FRAS1: variants seen among roughly 807,000 people sequenced by gnomAD.
The protein encoded by FRAS1 is Fraser extracellular matrix complex subunit 1, also known as extracellular matrix organizing protein FRAS1.
FRAS1 carries 290 observed loss-of-function variants against 435.2 expected under a neutral mutation model. That is an observed-to-expected ratio of 0.67 (90% CI 0.61 to 0.73). The LOEUF (loss-of-function observed/expected upper bound fraction) is 0.73. FRAS1 is among the 30% of genes least tolerant of loss of function. The probability of loss-of-function intolerance (pLI) is 0.00; values close to 1 mark genes in which losing one functional copy is unlikely to be tolerated. For missense variants in FRAS1, 4,860 were observed against 5,001.5 expected (o/e 0.97, Z 0.85); for synonymous variants, 1,800 against 1,851.0 (o/e 0.97, Z 0.71).
In FRAS1 at chr4:78,432,540, C is replaced by T. The variant is rs1734258901; in HGVS notation, c.5153C>T (p.Ser1718Phe). The change falls in exon 38 of 74, where the codon TCT (serine) becomes TTT (phenylalanine). Residue 1718 changes from serine to phenylalanine, a missense_variant. Coordinates refer to ENST00000512123, the MANE Select transcript of FRAS1 (RefSeq NM_025074.7). ...GGGCCTCGACTGGCTGCTGGCTCCT[C>T]TCTGAGCATTACTGTTGCCAGTAAA... ...DRGPRLAAGS[S>F]LSITVASKST... 6.2e-7 allele frequency: 1 copy of T among 1,612,900 alleles called. No homozygotes were observed. Among genetic ancestry groups the T allele is most frequent in the Non-Finnish European group, 8.5e-7 (1 of 1,179,474 alleles).
intron 6 of FRAS1, 110 bp downstream of exon 6, chr4:78,255,485 GC>G: frequency 8.6e-7 from 1 of 1,168,236 alleles, no homozygotes; most frequent in Non-Finnish European, 1.2e-6. Context: ...AAGAAGCAAA[GC>G]CCTTTTTGTT....
At chr4:78,142,058 C>A (rs1720211868) in intron 2 of FRAS1, among the ~76,000 whole-genome samples, 1 of 151,834 alleles carries the variant, frequency 6.6e-6, no homozygotes, top group Non-Finnish European at 1.5e-5. Context: ...GTTGGGTGCA[C>A]CAAAATCTCA....
chr4:78,420,728 A>G (rs1733746297), intron 33 of FRAS1, among the ~76,000 whole-genome samples: 1 of 151,878 alleles, frequency 6.6e-6, no homozygotes, highest in Non-Finnish European at 1.5e-5. Context: ...GGACCTTTGA[A>G]TTGAAACTCA....
intron 2 of FRAS1, among the ~76,000 whole-genome samples, chr4:78,158,375 T>G (rs1720982397): frequency 6.6e-6 from 1 of 152,212 alleles, no homozygotes; most frequent in African/African-American, 2.4e-5. Context: ...TTGTTTTAAC[T>G]AGTTTTCCTT....
chr4:78,194,957 A>T (rs1722733478), intron 2 of FRAS1, among the ~76,000 whole-genome samples: 1 of 151,970 alleles, frequency 6.6e-6, no homozygotes, highest in African/African-American at 2.4e-5. Context: ...TTTCGTGTGG[A>T]TGTCCTTTCT....
chr4:78,160,438 C>T (rs993368155), intron 2 of FRAS1, among the ~76,000 whole-genome samples: 4 of 152,100 alleles, frequency 2.6e-5, no homozygotes, highest in African/African-American at 9.7e-5. Flanking sequence ...ATAGTGGGAA[C>T]GTTTGGAAAC....
At chr4:78,214,790 C>T (rs928547213) in intron 2 of FRAS1, among the ~76,000 whole-genome samples, 1 of 152,194 alleles carries the variant, frequency 6.6e-6, no homozygotes, top group African/African-American at 2.4e-5. Flanking sequence ...TTTAATTTGT[C>T]TCCATGCACA....
chr4:78,120,048 G>A (rs1718922003), intron 2 of FRAS1, among the ~76,000 whole-genome samples: 1 of 152,120 alleles, frequency 6.6e-6, no homozygotes, highest in African/African-American at 2.4e-5. Context: ...GTCTTAATCA[G>A]ATCTATGGGG....
intron 15 of FRAS1, among the ~76,000 whole-genome samples, chr4:78,312,442 A>G (rs189198654): frequency 6.6e-6 from 1 of 152,072 alleles, no homozygotes; most frequent in Admixed American, 6.5e-5. Context: ...GTATGTCTCA[A>G]TATCTGATTG....
Position 78,286,368 on chromosome 4 carries a change from G to A in FRAS1, c.1400-37G>A, listed in dbSNP as rs776910813. On this transcript the variant is annotated intron_variant, in intron 13 of 73. Coordinates refer to ENST00000512123, the MANE Select transcript of FRAS1 (RefSeq NM_025074.7). The stretch of plus-strand genomic sequence containing the variant: ...GGTGGTGTCTTTCAGCTAATCAAAT[G>A]GTTCCTTTCTCTTTCTTCAACATTA... 3.1e-6 allele frequency: 5 copies of A among 1,611,692 alleles called. No individual in the cohort carries two copies. The Admixed American group carries it at 6.7e-5, about 21-fold the overall frequency.
At chr4:78,450,517 C>T in intron 45 of FRAS1, 178 bp downstream of exon 45, 2 of 592,690 alleles carry the variant, frequency 3.4e-6, no homozygotes, top group South Asian at 2.1e-5. Context: ...TAAAAAAGCC[C>T]TATCTTTCTT....
intron 2 of FRAS1, among the ~76,000 whole-genome samples, chr4:78,231,927 T>G (rs1724534163): frequency 6.6e-6 from 1 of 152,206 alleles, no homozygotes; most frequent in Non-Finnish European, 1.5e-5. Context: ...TGTCATAATC[T>G]AATCCTTTAA....
At chr4:78,470,869 T>A (rs1719683048) in intron 51 of FRAS1, among the ~76,000 whole-genome samples, 1 of 152,006 alleles carries the variant, frequency 6.6e-6, no homozygotes, top group Non-Finnish European at 1.5e-5. Context: ...ATTAAGCAAG[T>A]GATACAGAAA....
rs1721541518 is a variant in FRAS1, at chr4:78,526,591, A to G, written c.10859A>G (p.Gln3620Arg). The change falls in exon 70 of 74, where the codon CAG (glutamine) becomes CGG (arginine). Residue 3620 changes from glutamine (Q) to arginine (R), a missense_variant. Transcript: ENST00000512123. The part of the protein sequence containing the change: ...YTIYLIPCTV[Q>R]PTQPWVDPGE... ...ATCTACCTGATCCCTTGCACAGTGC[A>G]GCCCACACAGCCATGGGTTGACCCA... The G allele has an allele frequency of 6.2e-7, 1 of 1,602,784 alleles. No individual in the cohort carries two copies. Among genetic ancestry groups the G allele is most frequent in the Non-Finnish European group, 8.5e-7 (1 of 1,175,128 alleles).
chr4:78,123,675 C>T (rs1210526767), intron 2 of FRAS1, among the ~76,000 whole-genome samples: 2 of 152,130 alleles, frequency 1.3e-5, no homozygotes, highest in Non-Finnish European at 2.9e-5. Context: ...TGTAGTTCTC[C>T]TTGAAGAGGT....
At chr4:78,467,278 T>C (rs1291159032) in intron 50 of FRAS1, among the ~76,000 whole-genome samples, 1 of 152,082 alleles carries the variant, frequency 6.6e-6, no homozygotes, top group East Asian at 1.9e-4. Context: ...TCTCCATGGG[T>C]TCAGTTGTTT....
At chr4:78,461,824 G>A (rs1719375647) in intron 47 of FRAS1, among the ~76,000 whole-genome samples, 1 of 152,052 alleles carries the variant, frequency 6.6e-6, no homozygotes, top group South Asian at 2.1e-4. Flanking sequence ...TTATATATGG[G>A]GCATGCTAAA....
chr4:78,521,589 G>C lies in FRAS1; in HGVS notation c.10607G>C (p.Gly3536Ala), dbSNP rs1462304934. 2 of 1,610,488 alleles carry C rather than the reference G, an allele frequency of 1.2e-6. No homozygotes were observed. Among genetic ancestry groups the C allele is most frequent in the Non-Finnish European group, 1.7e-6 (2 of 1,178,338 alleles). The change falls in exon 68 of 74, where the codon GGC (glycine) becomes GCC (alanine). Residue 3536 changes from glycine (G) to alanine (A), a missense_variant. Physicochemically the swap from Gly to Ala is moderately conservative, Grantham distance 60. Transcript: ENST00000512123. ...QIIRIYIRED[G>A]RLVIEFKTHA... The stretch of plus-strand genomic sequence containing the variant: ...ATAAGAATCTACATTCGAGAGGATG[G>C]CCGTCTTGTCATTGAATTCAAGACC...
intron 1 of FRAS1, among the ~76,000 whole-genome samples, chr4:78,065,083 T>TATATATATATATATATACACAC (rs1383890164): frequency 1.4e-5 from 2 of 140,598 alleles, no homozygotes; most frequent in East Asian, 2.1e-4. Flanking sequence ...TATATATATA[T>TATATATATATATATATACACAC]ACATACACAC....
Sources: gnomAD v4.1 joint callset for allele counts (sites outside exome capture counted in the v4.1 genomes callset) on GRCh38, gnomAD v4.1.1 for gene constraint, MANE v1.5 for transcripts, NCBI Gene and HGNC (gene_info 2026-07-23, HGNC 2026-07-21) for gene names.